Variants in PAMR1 observed in about 807,000 individuals in gnomAD.
The protein encoded by PAMR1 is peptidase domain containing associated with muscle regeneration 1.
In PAMR1, 88 loss-of-function variants were observed where a neutral mutation model predicts 81.8. The ratio of observed to expected loss-of-function variants is 1.08; its 90% CI spans 0.91 to 1.28. The LOEUF is 1.28. PAMR1 is among the 50% of genes most tolerant of loss of function. The pLI is 0.00. For missense variants in PAMR1, 935 were observed against 919.7 expected, an observed-to-expected ratio of 1.02 and a Z score of -0.21; for synonymous variants, 336 against 345.3, an observed-to-expected ratio of 0.97 and a Z score of 0.30.
chr11:35,477,721 CT>C (rs1474313713), intron 3 of PAMR1, among the ~76,000 whole-genome samples: 1 of 152,112 alleles, frequency 6.6e-6, no homozygotes, highest in African/African-American at 2.4e-5. Flanking sequence ...GAGATATGAC[CT>C]TGGATCTGTC....
At chr11:35,492,424 A>G (rs988405421) in intron 2 of PAMR1, among the ~76,000 whole-genome samples, 1 of 152,198 alleles carries the variant, frequency 6.6e-6, no homozygotes, top group Non-Finnish European at 1.5e-5. Context: ...TTTTAAAGTA[A>G]CATGAAATTG....
chr11:35,494,082 C>G lies in PAMR1; in HGVS notation c.250+14G>C. The G allele has an allele frequency of 1.2e-6, 2 of 1,610,018 alleles. No individual in the cohort carries two copies. Among genetic ancestry groups the G allele is most frequent in the Non-Finnish European group, 1.7e-6 (2 of 1,176,570 alleles). On this transcript the variant is annotated intron_variant, in intron 2 of 10. Coordinates refer to ENST00000619888, the MANE Select transcript of PAMR1 (RefSeq NM_001001991.3). ...AACATGAAGGCAACCTGAAGTCTCC[C>G]ATTCCACACTCACCTGGGTGGATCA... is the stretch of plus-strand genomic sequence containing the variant.
intron 1 of PAMR1, among the ~76,000 whole-genome samples, chr11:35,497,183 TAACA>T (rs1565353029): frequency 6.6e-6 from 1 of 151,662 alleles, no homozygotes; most frequent in Non-Finnish European, 1.5e-5. Flanking sequence ...ATAGTAATAA[TAACA>T]AATAATATAA....
Position 35,441,293 on chromosome 11 carries a change from T to C in PAMR1, c.1033+188A>G, listed in dbSNP as rs550663463. On this transcript the variant is annotated intron_variant, in intron 7 of 10. Transcript: ENST00000619888. ...TGTTGTGATTAGGGAAAGCAGGTCC[T>C]CTTGAGGTCAAAAAAAAAAAGAAGC... Among the ~76,000 whole-genome samples the C allele has an allele frequency of 2.0e-5, 3 of 150,330 alleles. No homozygotes were observed. The South Asian group carries it at 6.2e-4, about 31-fold the overall frequency.
intron 10 of PAMR1, 141 bp from the exon 11 acceptor site, chr11:35,433,033 TC>T (rs1855948000): frequency 1.4e-6 from 1 of 734,436 alleles, no homozygotes; most frequent in Non-Finnish European, 2.1e-6. Flanking sequence ...ACTCAAGAAA[TC>T]ATGGAAAACA....
chr11:35,436,261 GTCTC>G (rs1169431160), intron 8 of PAMR1, 126 bp from the exon 9 acceptor site: 3 of 652,596 alleles, frequency 4.6e-6, no homozygotes, highest in Non-Finnish European at 5.5e-6. Context: ...CTCTGTCTCT[GTCTC>G]TCTCTATCTC....
chr11:35,522,100 T>C (rs1851294929), intron 1 of PAMR1, among the ~76,000 whole-genome samples: 1 of 152,174 alleles, frequency 6.6e-6, no homozygotes, highest in Non-Finnish European at 1.5e-5. Flanking sequence ...TTTTTTGTAT[T>C]TTTAGTAGAG....
intron 1 of PAMR1, among the ~76,000 whole-genome samples, chr11:35,502,797 A>G (rs1850874679): frequency 7.5e-6 from 1 of 133,074 alleles, no homozygotes; most frequent in Admixed American, 7.7e-5. Context: ...TGTCTCTTCA[A>G]TTTGTTGATT....
chr11:35,450,316 T>C (rs1856387840), intron 6 of PAMR1, among the ~76,000 whole-genome samples: 1 of 152,208 alleles, frequency 6.6e-6, no homozygotes, highest in South Asian at 2.1e-4. Context: ...AATGACACTC[T>C]GTATGCCTTT....
At chr11:35,501,920 A>G (rs550024091) in intron 1 of PAMR1, among the ~76,000 whole-genome samples, 1 of 152,282 alleles carries the variant, frequency 6.6e-6, no homozygotes, top group South Asian at 2.1e-4. Flanking sequence ...TCTTTGATAT[A>G]TTTCCTTTTG....
intron 3 of PAMR1, among the ~76,000 whole-genome samples, chr11:35,487,215 G>GAAA (rs111704287): frequency 2.3e-5 from 3 of 130,112 alleles, no homozygotes; most frequent in Non-Finnish European, 3.3e-5. Flanking sequence ...TAGTTACCCA[G>GAAA]AAAAAAAAAA....
intron 3 of PAMR1, among the ~76,000 whole-genome samples, chr11:35,488,124 T>A (rs1270379924): frequency 1.3e-5 from 2 of 152,104 alleles, no homozygotes; most frequent in East Asian, 3.9e-4. Context: ...CTTACTCTAA[T>A]ATGTAATATT....
chr11:35,488,186 C>A (rs897604669), intron 3 of PAMR1, among the ~76,000 whole-genome samples: 1 of 147,250 alleles, frequency 6.8e-6, no homozygotes, highest in African/African-American at 2.5e-5. Flanking sequence ...ACCTGTTTAA[C>A]CCTTTCCCAT....
At chr11:35,451,284 A>G (rs1444344437) in intron 6 of PAMR1, among the ~76,000 whole-genome samples, 1 of 152,266 alleles carries the variant, frequency 6.6e-6, no homozygotes, top group South Asian at 2.1e-4. Context: ...TGAAAGTAAC[A>G]GAGATTGAGA....
intron 6 of PAMR1, among the ~76,000 whole-genome samples, chr11:35,450,129 C>CAAAAAAAAAAAAAAAAAAAAAAAA (rs60887441): frequency 2.3e-5 from 1 of 43,030 alleles, no homozygotes; most frequent in Non-Finnish European, 3.7e-5. Context: ...TGCCTCCAGG[C>CAAAAAAAAAAAAAAAAAAAAAAAA]AAAAAAAAAA....
intron 4 of PAMR1, among the ~76,000 whole-genome samples, chr11:35,474,177 G>T (rs1018820482): frequency 3.3e-5 from 5 of 152,238 alleles, no homozygotes; most frequent in African/African-American, 9.6e-5. Context: ...ACAGGTGAGA[G>T]AATTAGTTTA....
chr11:35,466,726 CAAAAAAAAAA>C (rs71044519), intron 6 of PAMR1, among the ~76,000 whole-genome samples: 4 of 63,948 alleles, frequency 6.3e-5, no homozygotes, highest in African/African-American at 1.3e-4. Flanking sequence ...GGCTCTATCT[CAAAAAAAAAA>C]AAAAAAAAAA....
intron 4 of PAMR1, among the ~76,000 whole-genome samples, chr11:35,471,536 C>A (rs557155366): frequency 1.3e-5 from 2 of 152,318 alleles, no homozygotes; most frequent in African/African-American, 4.8e-5. Flanking sequence ...CCTCTGCACA[C>A]TCTTCCGTTT....
At chr11:35,438,947 G>A (rs1856106162) in intron 8 of PAMR1, among the ~76,000 whole-genome samples, 1 of 152,206 alleles carries the variant, frequency 6.6e-6, no homozygotes, top group Non-Finnish European at 1.5e-5. Context: ...TGTGGAAGCA[G>A]GCTCCAGACA....
Sources: gnomAD v4.1 joint callset for allele counts (sites outside exome capture counted in the v4.1 genomes callset) on GRCh38, gnomAD v4.1.1 for gene constraint, MANE v1.5 for transcripts, NCBI Gene and HGNC (gene_info 2026-07-23, HGNC 2026-07-21) for gene names.